The following PIK3C2G variants were observed in gnomAD, a reference collection of about 807,000 sequenced individuals.
The protein encoded by PIK3C2G is phosphatidylinositol 3-kinase C2 domain-containing subunit gamma.
PIK3C2G carries 168 observed loss-of-function variants against 181.1 expected under a neutral mutation model. The observed-to-expected ratio is 0.93, with a 90% CI of 0.82 to 1.05. The LOEUF (loss-of-function observed/expected upper bound fraction) is 1.05. PIK3C2G is among the 50% of genes least tolerant of loss of function. PIK3C2G has a pLI of 0.00. For missense variants in PIK3C2G, 1,869 were observed against 1,732.8 expected, an observed-to-expected ratio of 1.08 and a Z score of -1.40; for synonymous variants, 573 against 592.2, an observed-to-expected ratio of 0.97 and a Z score of 0.47.
chr12:18,654,553 C>T, the PIK3C2G span, among the ~76,000 whole-genome samples: 1 of 152,142 alleles, frequency 6.6e-6, no homozygotes, highest in Non-Finnish European at 1.5e-5. Context: ...TCTGTGTCAA[C>T]TGCAAATGAG....
intron 24 of PIK3C2G, among the ~76,000 whole-genome samples, chr12:18,525,910 G>A (rs898722650): frequency 2.0e-5 from 3 of 152,098 alleles, no homozygotes; most frequent in Middle Eastern, 3.4e-3. Context: ...TTATCACAAC[G>A]TTGTTTAAAC....
At chr12:18,305,998 G>T (rs1205070462) in intron 5 of PIK3C2G, among the ~76,000 whole-genome samples, 10 of 149,368 alleles carry the variant, frequency 6.7e-5, no homozygotes, top group African/African-American at 2.0e-4. Flanking sequence ...CTTGTCTTTT[G>T]TGACTGTGTT....
the PIK3C2G span, among the ~76,000 whole-genome samples, chr12:18,662,628 A>G: frequency 6.6e-6 from 1 of 152,166 alleles, no homozygotes. Context: ...TATTTAAGAT[A>G]TTAATGCATT....
intron 18 of PIK3C2G, among the ~76,000 whole-genome samples, chr12:18,454,996 C>G (rs374919700): frequency 1.9e-4 from 29 of 152,290 alleles, no homozygotes; most frequent in African/African-American, 6.0e-4. Flanking sequence ...AGGTGTCAAC[C>G]TGGGATCTAC....
the PIK3C2G span, among the ~76,000 whole-genome samples, chr12:18,682,390 G>A: frequency 3.3e-5 from 5 of 152,054 alleles, no homozygotes; most frequent in Admixed American, 3.3e-4. Context: ...GTCAAACTTT[G>A]TGCTGGGTGC....
In PIK3C2G at chr12:18,418,541, TA is replaced by T. The variant is rs1442128725; in HGVS notation, c.2316-2396del. On this transcript the variant is annotated intron_variant, in intron 16 of 32. Transcript: ENST00000538779. ...AAACCATTTAATGTTTTATGACAAATAAAATAGTTTAAGGGATTTGATAAGG... is the reference window on the plus strand; with the variant it reads ...AAACCATTTAATGTTTTATGACAAATAAATAGTTTAAGGGATTTGATAAGG... Among the ~76,000 whole-genome samples, 3 of 152,094 alleles carry T rather than the reference TA, an allele frequency of 2.0e-5. No homozygotes were observed. In the East Asian group the frequency reaches 5.8e-4, roughly 29 times the overall value.
intron 14 of PIK3C2G, among the ~76,000 whole-genome samples, chr12:18,385,567 T>TTTA (rs759458500): frequency 8.5e-4 from 129 of 152,032 alleles, no homozygotes; most frequent in Middle Eastern, 6.8e-3. Flanking sequence ...TCTATGTTTC[T>TTTA]TTATTATTAT....
chr12:18,550,048 A>G (rs923743446), intron 26 of PIK3C2G, among the ~76,000 whole-genome samples: 4 of 151,938 alleles, frequency 2.6e-5, no homozygotes, highest in Non-Finnish European at 2.9e-5. Flanking sequence ...TTATTTTTAG[A>G]CATGATTTAA....
At chr12:18,677,572 T>C in the PIK3C2G span, among the ~76,000 whole-genome samples, 1 of 152,050 alleles carries the variant, frequency 6.6e-6, no homozygotes, top group Non-Finnish European at 1.5e-5. Context: ...GCTGAGGACC[T>C]AATGCAGTGC....
intron 20 of PIK3C2G, among the ~76,000 whole-genome samples, chr12:18,495,188 G>A (rs1043947051): frequency 6.6e-6 from 1 of 152,016 alleles, no homozygotes; most frequent in African/African-American, 2.4e-5. Flanking sequence ...TTGATAAATT[G>A]AAAGCATAGA....
the PIK3C2G span, chr12:18,683,447 T>A: frequency 7.0e-7 from 1 of 1,433,878 alleles, no homozygotes; most frequent in Non-Finnish European, 9.6e-7. Flanking sequence ...TATAGAGTTA[T>A]ATTCCCATCT....
At chr12:18,460,623 C>CATATATAT (rs144060852) in intron 18 of PIK3C2G, among the ~76,000 whole-genome samples, 7,973 of 135,840 alleles carry the variant, frequency 0.059, 226 homozygotes, top group Non-Finnish European at 0.075. Context: ...ACATCATATT[C>CATATATAT]ATATATATAT....
At chr12:18,654,311 A>AAAAAAAAG in the PIK3C2G span, among the ~76,000 whole-genome samples, 2 of 149,194 alleles carry the variant, frequency 1.3e-5, no homozygotes, top group Non-Finnish European at 1.5e-5. Context: ...AAAAAAAAAA[A>AAAAAAAAG]TCTATCAGAT....
At position 18,566,971 on chromosome 12, in the gene PIK3C2G, C is replaced by G; in HGVS notation, c.3925C>G (p.Pro1309Ala). 1 of 1,597,240 alleles carries G rather than the reference C, an allele frequency of 6.3e-7. No homozygotes were observed. Among genetic ancestry groups the G allele is most frequent in the Non-Finnish European group, 8.6e-7 (1 of 1,165,730 alleles). Reference protein sequence around the residue: ...LPEFPHWWHLPFTNSDHRRFR... With the variant: ...LPEFPHWWHLAFTNSDHRRFR... ...CAGGTTTCCTCATTGGTGGCACCTA[C>G]CTTTTACAAATTCAGATCACAGAAG... is the stretch of plus-strand genomic sequence containing the variant. The change falls in exon 29 of 33, where the codon CCT becomes GCT. Residue 1309 changes from proline to alanine, a missense_variant. By Grantham distance (27) the Pro-to-Ala change is conservative. Transcript: ENST00000538779.
chr12:18,650,714 A>C (rs1391057818), downstream of PIK3C2G, among the ~76,000 whole-genome samples: 2 of 3,584 alleles, frequency 5.6e-4, no homozygotes, highest in African/African-American at 7.3e-4. Context: ...GTATATATCT[A>C]TATATATATA....
chr12:18,356,377 G>C (rs1940730126), intron 11 of PIK3C2G, among the ~76,000 whole-genome samples: 2 of 152,106 alleles, frequency 1.3e-5, no homozygotes, highest in Non-Finnish European at 2.9e-5. Flanking sequence ...CCGGTGACTG[G>C]GTGTACGGGC....
the PIK3C2G span, chr12:18,684,129 C>T: frequency 6.2e-7 from 1 of 1,611,194 alleles, no homozygotes; most frequent in Non-Finnish European, 8.5e-7. Context: ...AGGGACATTA[C>T]CTTTGTTCAT....
chr12:18,685,729 C>G, the PIK3C2G span: 1 of 481,674 alleles, frequency 2.1e-6, no homozygotes, highest in African/African-American at 2.0e-5. Flanking sequence ...TACTGCAAAA[C>G]ATCTGCAGAA....
In PIK3C2G at chr12:18,381,830, A is replaced by G. The variant is rs775401353; in HGVS notation, c.1945A>G (p.Ile649Val). Reference sequence around the variant, plus strand: ...ACAGAGTGAGCCTCCCGTAGAAATGATAACTCCAGGAGTGTGGGATGTAAG... The same window carrying G: ...ACAGAGTGAGCCTCCCGTAGAAATGGTAACTCCAGGAGTGTGGGATGTAAG... ...TLQSEPPVEM[I>V]TPGVWDVSQP... The change falls in exon 14 of 33, where the codon ATA becomes GTA. Residue 649 changes from isoleucine to valine, a missense_variant. Ile to Val is a conservative substitution (Grantham distance 29, BLOSUM62 3). Coordinates refer to ENST00000538779, the MANE Select transcript of PIK3C2G (RefSeq NM_001288772.2). 13 of 1,613,896 alleles carry G rather than the reference A, an allele frequency of 8.1e-6. No individual in the cohort carries two copies. Among genetic ancestry groups the G allele is most frequent in the Non-Finnish European group, 1.0e-5 (12 of 1,179,754 alleles).
Sources: gnomAD v4.1 joint callset for allele counts (sites outside exome capture counted in the v4.1 genomes callset) on GRCh38, gnomAD v4.1.1 for gene constraint, MANE v1.5 for transcripts, NCBI Gene and HGNC (gene_info 2026-07-23, HGNC 2026-07-21) for gene names.